ANP32A: variants seen among roughly 807,000 people sequenced by gnomAD.
ANP32A encodes acidic nuclear phosphoprotein 32 family member A, also known as acidic leucine-rich nuclear phosphoprotein 32 family member A.
Under a neutral mutation model 33.9 loss-of-function variants are expected in ANP32A, and 1 was observed. That is an observed-to-expected ratio of 0.03 (90% CI 0.01 to 0.14). ANP32A has a LOEUF of 0.14. Ranked by LOEUF, ANP32A falls within the 10% of genes least tolerant of loss-of-function variation. The probability of loss-of-function intolerance (pLI) is 1.00; values close to 1 mark genes in which losing one functional copy is unlikely to be tolerated. For missense variants in ANP32A, 155 were observed against 306.0 expected, an observed-to-expected ratio of 0.51 and a Z score of 3.68; for synonymous variants, 115 against 120.5, an observed-to-expected ratio of 0.95 and a Z score of 0.30.
At chr15:68,787,074 C>T (rs993273560) in intron 3 of ANP32A, 4 of 250,898 alleles carry the variant, frequency 1.6e-5, no homozygotes, top group Non-Finnish European at 3.1e-5. Context: ...AAAGGGGCAA[C>T]AAGCCATGCC....
At chr15:68,790,785 G>T (rs1291710599) in intron 1 of ANP32A, 2 of 152,180 alleles carry the variant, frequency 1.3e-5, no homozygotes, top group Non-Finnish European at 2.9e-5. Context: ...GGCTTCTTGG[G>T]ACTCTCCCCA....
At chr15:68,798,146 G>C (rs1006441339) in intron 1 of ANP32A, among the ~76,000 whole-genome samples, 1 of 152,242 alleles carries the variant, frequency 6.6e-6, no homozygotes, top group Non-Finnish European at 1.5e-5. Flanking sequence ...TGCGGGAGCT[G>C]TCTGCTTAGG....
intron 1 of ANP32A, among the ~76,000 whole-genome samples, chr15:68,805,832 C>T (rs1030880204): frequency 6.6e-6 from 1 of 152,176 alleles, no homozygotes; most frequent in Non-Finnish European, 1.5e-5. Context: ...CTCATCACAC[C>T]AGCAGCCATG....
At chr15:68,799,922 A>C (rs1188106470) in intron 1 of ANP32A, among the ~76,000 whole-genome samples, 3 of 152,200 alleles carry the variant, frequency 2.0e-5, no homozygotes, top group Non-Finnish European at 2.9e-5. Context: ...CAGTGGTTCA[A>C]GAACTAAGAT....
At chr15:68,813,283 T>TAG (rs1894336511) in intron 1 of ANP32A, among the ~76,000 whole-genome samples, 1 of 152,192 alleles carries the variant, frequency 6.6e-6, no homozygotes, top group Non-Finnish European at 1.5e-5. Flanking sequence ...TTATCTTCCT[T>TAG]AGAGTCTGTA....
At chr15:68,818,802 C>T (rs1001831952) in intron 1 of ANP32A, among the ~76,000 whole-genome samples, 1 of 151,866 alleles carries the variant, frequency 6.6e-6, no homozygotes, top group African/African-American at 2.4e-5. Context: ...CCGGAAAGTA[C>T]GCGGGAAGAC....
rs538470953 is a variant in ANP32A, at chr15:68,811,316, T to A, written c.54+9382A>T. 8.4e-4 allele frequency among the ~76,000 whole-genome samples: 127 copies of A among 151,820 alleles called. 1 individual carries two copies. Among genetic ancestry groups the A allele is most frequent in the Non-Finnish European group, 1.6e-3 (110 of 67,980 alleles). ...TCTTTGCTTTAAGATGGGAGAAGCA[T>A]CCCCAGCTGGAGAAGAATCCAAAGG... On this transcript the variant is annotated intron_variant, in intron 1 of 6. Coordinates refer to ENST00000465139, the MANE Select transcript of ANP32A (RefSeq NM_006305.4).
rs115757437 is a variant in ANP32A at position 68,786,907 on chromosome 15, C to T, written c.327+506G>A. On this transcript the variant is annotated intron_variant, in intron 3 of 6. Transcript: ENST00000465139. Reference sequence around the variant, plus strand: ...CCACACCACGTTGAGGAAGGCCTGCCTGCACGAGGCTCTCACACCACACGG... The same window carrying T: ...CCACACCACGTTGAGGAAGGCCTGCTTGCACGAGGCTCTCACACCACACGG... 6.3e-3 allele frequency among the ~76,000 whole-genome samples: 958 copies of T among 152,246 alleles called. 15 individuals carry two copies. The highest frequency in any genetic ancestry group is 0.022 in the African/African-American group (909 of 41,538).
chr15:68,788,268 G>A (rs1376817115), intron 1 of ANP32A, among the ~76,000 whole-genome samples: 5 of 152,114 alleles, frequency 3.3e-5, no homozygotes, highest in Non-Finnish European at 5.9e-5. Flanking sequence ...CCCTGCTCTC[G>A]CATTCTCCCA....
chr15:68,788,019 GA>G, intron 1 of ANP32A, 100 bp from the exon 2 acceptor site: 1 of 1,399,720 alleles, frequency 7.1e-7, no homozygotes, highest in East Asian at 2.3e-5. Flanking sequence ...ACAGACGCAG[GA>G]AGCAGTCAGT....
At position 68,778,651 on chromosome 15, in the gene ANP32A, CTTGA is replaced by C. The variant is rs1264489574; in HGVS notation, c.*1426_*1429del. 1 of 152,086 alleles carries C rather than the reference CTTGA, an allele frequency of 6.6e-6. No individual in the cohort carries two copies. The highest frequency in any genetic ancestry group is 1.5e-5 in the Non-Finnish European group (1 of 68,018). 9.4% of individuals were successfully genotyped at this position (152,086 alleles called of 1,614,324 possible). ...AAACAAGGTTCCAAGGTTGGCCCAA[CTTGA>C]TTGTTTGGGTACTTGTTTTTTTAGT... On this transcript the variant is annotated 3_prime_UTR_variant, in exon 7 of 7. Coordinates refer to ENST00000465139, the MANE Select transcript of ANP32A (RefSeq NM_006305.4).
At chr15:68,812,763 T>C (rs1282706095) in intron 1 of ANP32A, among the ~76,000 whole-genome samples, 6 of 152,142 alleles carry the variant, frequency 3.9e-5, no homozygotes. Context: ...GGGAGGAGCA[T>C]GGTGTCGGTT....
At chr15:68,796,112 G>A (rs1208749577) in intron 1 of ANP32A, among the ~76,000 whole-genome samples, 1 of 152,122 alleles carries the variant, frequency 6.6e-6, no homozygotes, top group Non-Finnish European at 1.5e-5. Flanking sequence ...AGACAGTTTC[G>A]TTCTTGTCAC....
In ANP32A at chr15:68,820,862, G is replaced by A; in HGVS notation, c.-111C>T. ...TTTGAAGGCTCAACCAGCTCCGCTC[G>A]GTTCTCGAGCCCCCAGCACCCGCGG... On this transcript the variant is annotated 5_prime_UTR_variant, in exon 1 of 7. Coordinates refer to ENST00000465139, the MANE Select transcript of ANP32A (RefSeq NM_006305.4). The A allele has an allele frequency of 7.6e-7, 1 of 1,317,056 alleles. No homozygotes were observed. The highest frequency in any genetic ancestry group is 1.1e-6 in the Non-Finnish European group (1 of 931,664). 81.6% of individuals were successfully genotyped at this position (1,317,056 alleles called of 1,614,324 possible).
intron 1 of ANP32A, among the ~76,000 whole-genome samples, chr15:68,801,575 C>G (rs1894136572): frequency 6.6e-6 from 1 of 152,136 alleles, no homozygotes; most frequent in South Asian, 2.1e-4. Context: ...ATTTTATAAG[C>G]ATGTTTCTTA....
intron 1 of ANP32A, among the ~76,000 whole-genome samples, chr15:68,802,126 G>A (rs553853178): frequency 6.6e-6 from 1 of 152,268 alleles, no homozygotes; most frequent in East Asian, 1.9e-4. Flanking sequence ...CAGGTCAGTG[G>A]ACTCGCTGGT....
At chr15:68,781,179 A>G (rs2140358292) in intron 5 of ANP32A, 1 of 152,282 alleles carries the variant, frequency 6.6e-6, no homozygotes, top group Middle Eastern at 3.4e-3. Context: ...GTTTAAAAGA[A>G]CTTGGTGACA....
At chr15:68,781,486 GT>G (rs1200192563) in intron 5 of ANP32A, 2 of 149,036 alleles carry the variant, frequency 1.3e-5, no homozygotes, top group African/African-American at 2.5e-5. Flanking sequence ...AGGGGAACCT[GT>G]TTTACTAAGA....
intron 1 of ANP32A, chr15:68,789,515 A>C (rs907300918): frequency 4.6e-5 from 7 of 152,238 alleles, no homozygotes; most frequent in Admixed American, 3.9e-4. Flanking sequence ...TGCCCCTCTT[A>C]CTCAGGCATC....
Sources: gnomAD v4.1 joint callset for allele counts (sites outside exome capture counted in the v4.1 genomes callset) on GRCh38, gnomAD v4.1.1 for gene constraint, MANE v1.5 for transcripts, NCBI Gene and HGNC (gene_info 2026-07-23, HGNC 2026-07-21) for gene names.